The following GRXCR1 variants were observed in gnomAD, a reference collection of about 807,000 sequenced individuals.
GRXCR1 encodes glutaredoxin and cysteine rich domain containing 1.
GRXCR1 carries 27 observed loss-of-function variants against 27.3 expected under a neutral mutation model. That is an observed-to-expected ratio of 0.99 (90% CI 0.73 to 1.37). GRXCR1 has a LOEUF of 1.37. GRXCR1 is among the 40% of genes most tolerant of loss of function. The pLI is 0.00. For missense variants in GRXCR1, 379 were observed against 354.4 expected (o/e 1.07, Z -0.56); for synonymous variants, 122 against 131.1 (o/e 0.93, Z 0.47).
At chr4:42,911,615 C>T (rs1186244821) in intron 1 of GRXCR1, among the ~76,000 whole-genome samples, 2 of 151,908 alleles carry the variant, frequency 1.3e-5, no homozygotes, top group East Asian at 3.9e-4. Context: ...TTTAATTAAA[C>T]AGTGTGTGTA....
intron 1 of GRXCR1, among the ~76,000 whole-genome samples, chr4:42,943,726 A>G (rs1334706372): frequency 6.6e-6 from 1 of 152,116 alleles, no homozygotes; most frequent in Non-Finnish European, 1.5e-5. Context: ...ATATTTTTTC[A>G]TCACCTGCTA....
chr4:43,022,546 T>A (rs1215905891), intron 3 of GRXCR1, among the ~76,000 whole-genome samples: 1 of 152,242 alleles, frequency 6.6e-6, no homozygotes, highest in Non-Finnish European at 1.5e-5. Context: ...GGTATGGCAT[T>A]GGCTTTCTAC....
intron 1 of GRXCR1, among the ~76,000 whole-genome samples, chr4:42,907,191 C>A (rs1266551946): frequency 6.6e-6 from 1 of 152,134 alleles, no homozygotes; most frequent in Non-Finnish European, 1.5e-5. Flanking sequence ...CTGTCTTTGG[C>A]CACTGGCTGT....
chr4:42,983,664 G>A (rs1280183907), intron 2 of GRXCR1, among the ~76,000 whole-genome samples: 1 of 151,992 alleles, frequency 6.6e-6, no homozygotes, highest in African/African-American at 2.4e-5. Context: ...CCATTTTCAC[G>A]ATATTGATTC....
At chr4:42,949,790 A>T (rs1298183664) in intron 1 of GRXCR1, among the ~76,000 whole-genome samples, 28 of 152,160 alleles carry the variant, frequency 1.8e-4, no homozygotes, top group Admixed American at 1.8e-3. Context: ...TGAAGCCTGG[A>T]AGCCTGAGGA....
rs541879951 is a variant in GRXCR1, at chr4:42,942,480, A to G, written c.385-20412A>G. 1.9e-4 allele frequency among the ~76,000 whole-genome samples: 29 copies of G among 152,170 alleles called. 1 individual carries two copies. Among genetic ancestry groups the G allele is most frequent in the Admixed American group, 1.6e-3 (25 of 15,264 alleles). On this transcript the variant is annotated intron_variant, in intron 1 of 3. Coordinates refer to ENST00000399770, the MANE Select transcript of GRXCR1 (RefSeq NM_001080476.3). ...GACAGTCTCATCCCTTGACAGTCAT[A>G]AGAATAGGCAAACTTTCTGTAGAAT... is the stretch of plus-strand genomic sequence containing the variant.
chr4:42,991,662 C>T (rs959389190), intron 2 of GRXCR1, among the ~76,000 whole-genome samples: 1 of 152,028 alleles, frequency 6.6e-6, no homozygotes, highest in African/African-American at 2.4e-5. Flanking sequence ...CTCAGTATTT[C>T]TTGTGTTAGA....
At chr4:42,937,606 G>A (rs1348137352) in intron 1 of GRXCR1, among the ~76,000 whole-genome samples, 1 of 151,672 alleles carries the variant, frequency 6.6e-6, no homozygotes, top group Non-Finnish European at 1.5e-5. Flanking sequence ...GTTCATACTG[G>A]TGCCCATGAC....
intron 2 of GRXCR1, among the ~76,000 whole-genome samples, chr4:42,972,418 TG>T (rs1410962062): frequency 6.6e-6 from 1 of 152,164 alleles, no homozygotes; most frequent in East Asian, 1.9e-4. Flanking sequence ...ACGAAGTGTT[TG>T]TTCTGGCCTT....
At chr4:42,952,144 C>T (rs1478201008) in intron 1 of GRXCR1, among the ~76,000 whole-genome samples, 1 of 152,112 alleles carries the variant, frequency 6.6e-6, no homozygotes, top group East Asian at 1.9e-4. Context: ...ATGCTTGACT[C>T]TATTGTTTTT....
Position 43,001,386 on chromosome 4 carries a change from G to A in GRXCR1, c.628-18968G>A, listed in dbSNP as rs369822230. On this transcript the variant is annotated intron_variant, in intron 2 of 3. Transcript: ENST00000399770. ...GGGCTTGATGGTAGACTTTGCAGAA[G>A]GTCAAGCTCGCTCTCTTATTTGAGT... 9.2e-5 allele frequency among the ~76,000 whole-genome samples: 14 copies of A among 152,200 alleles called. No homozygotes were observed. In the East Asian group the frequency reaches 1.5e-3, roughly 17 times the overall value.
chr4:43,001,951 T>C (rs2217916), intron 2 of GRXCR1, among the ~76,000 whole-genome samples: 84,181 of 141,820 alleles, frequency 0.59, 23,069 homozygotes, highest in East Asian at 0.73. Context: ...TATGCCTAGA[T>C]GTGCATGTGG....
intron 2 of GRXCR1, among the ~76,000 whole-genome samples, chr4:42,991,224 T>C (rs997807468): frequency 6.6e-6 from 1 of 152,046 alleles, no homozygotes; most frequent in South Asian, 2.1e-4. Context: ...TCTTTTCTTG[T>C]TAATTTTGGT....
intron 2 of GRXCR1, among the ~76,000 whole-genome samples, chr4:43,003,315 T>TA (rs554868385): frequency 2.1e-3 from 314 of 151,538 alleles, no homozygotes; most frequent in Non-Finnish European, 3.6e-3. Context: ...ATAATAAAAT[T>TA]AAAAAAAACA....
intron 2 of GRXCR1, among the ~76,000 whole-genome samples, chr4:43,013,744 T>C (rs1712838253): frequency 6.6e-6 from 1 of 152,180 alleles, no homozygotes; most frequent in Admixed American, 6.5e-5. Flanking sequence ...GTCTTCTGGT[T>C]TTATCTAGAT....
intron 2 of GRXCR1, among the ~76,000 whole-genome samples, chr4:42,965,866 G>C (rs1005804763): frequency 3.3e-5 from 5 of 152,104 alleles, no homozygotes; most frequent in African/African-American, 9.6e-5. Flanking sequence ...TTGCATTACT[G>C]TCAGTGTTAC....
chr4:42,983,765 T>G (rs1339029198), intron 2 of GRXCR1, among the ~76,000 whole-genome samples: 1 of 152,062 alleles, frequency 6.6e-6, no homozygotes, highest in African/African-American at 2.4e-5. Flanking sequence ...AATTCTTTTT[T>G]ATTCTTTTTT....
At chr4:43,008,151 T>A (rs186797065) in intron 2 of GRXCR1, among the ~76,000 whole-genome samples, 14 of 152,346 alleles carry the variant, frequency 9.2e-5, no homozygotes, top group African/African-American at 3.1e-4. Flanking sequence ...TAATTTCTCT[T>A]CATTTTTTCA....
At chr4:42,931,507 C>A (rs1747304592) in intron 1 of GRXCR1, among the ~76,000 whole-genome samples, 1 of 151,990 alleles carries the variant, frequency 6.6e-6, no homozygotes, top group African/African-American at 2.4e-5. Context: ...GAAGTTTTGC[C>A]TTTCCAAGCC....
Sources: gnomAD v4.1 joint callset for allele counts (sites outside exome capture counted in the v4.1 genomes callset) on GRCh38, gnomAD v4.1.1 for gene constraint, MANE v1.5 for transcripts, NCBI Gene and HGNC (gene_info 2026-07-23, HGNC 2026-07-21) for gene names.